Variants in RYR2 observed in about 807,000 individuals in gnomAD.
RYR2 encodes the protein ryanodine receptor 2, also known as cardiac muscle ryanodine receptor-calcium release channel.
RYR2 carries 227 observed loss-of-function variants against 601.1 expected under a neutral mutation model. That is an observed-to-expected ratio of 0.38 (90% CI 0.34 to 0.42). The LOEUF (loss-of-function observed/expected upper bound fraction) is 0.42. Among genes scored for constraint, RYR2 ranks in the 10% least tolerant of loss-of-function variants. The probability of loss-of-function intolerance (pLI) is 1.00; values close to 1 mark genes in which losing one functional copy is unlikely to be tolerated. For missense variants in RYR2, 4,646 were observed against 6,156.5 expected (o/e 0.75, Z 8.21); for synonymous variants, 2,223 against 2,175.1 (o/e 1.02, Z -0.61).
At chr1:237,776,073 G>A (rs539944315) in intron 87 of RYR2, among the ~76,000 whole-genome samples, 2 of 152,246 alleles carry the variant, frequency 1.3e-5, no homozygotes, top group East Asian at 3.9e-4. Context: ...ACTATCACGG[G>A]AAGAAAATTA....
At chr1:237,136,466 G>A (rs973768847) in intron 1 of RYR2, among the ~76,000 whole-genome samples, 3 of 152,106 alleles carry the variant, frequency 2.0e-5, no homozygotes, top group Admixed American at 6.5e-5. Flanking sequence ...TTTTCCCACC[G>A]ACTGGGGTGT....
chr1:237,263,677 A>G (rs1045933355), intron 1 of RYR2, among the ~76,000 whole-genome samples: 1 of 152,196 alleles, frequency 6.6e-6, no homozygotes, highest in African/African-American at 2.4e-5. Context: ...TGTAATGGAA[A>G]GGCAGAAGCC....
At chr1:237,584,778 G>A (rs991146264) in intron 29 of RYR2, among the ~76,000 whole-genome samples, 4 of 148,944 alleles carry the variant, frequency 2.7e-5, no homozygotes, top group Admixed American at 6.8e-5. Flanking sequence ...CTCCCATCTC[G>A]GCTTCCCAAG....
chr1:237,350,602 A>AAAAAT (rs1558665984), intron 3 of RYR2, among the ~76,000 whole-genome samples: 6 of 37,006 alleles, frequency 1.6e-4, no homozygotes, highest in Non-Finnish European at 3.0e-4. Flanking sequence ...AAAAAAAAAA[A>AAAAAT]ATATATATAT....
intron 1 of RYR2, among the ~76,000 whole-genome samples, chr1:237,116,218 C>T (rs12094575): frequency 7.9e-4 from 121 of 152,274 alleles, no homozygotes; most frequent in African/African-American, 2.8e-3. Flanking sequence ...CCAGGCTGAA[C>T]GACTTGCCCA....
intron 74 of RYR2, among the ~76,000 whole-genome samples, chr1:237,723,627 C>T (rs758660988): frequency 1.3e-5 from 2 of 151,988 alleles, no homozygotes; most frequent in African/African-American, 4.8e-5. Flanking sequence ...CTCATAAAAA[C>T]ATGTTTGAGA....
chr1:237,201,480 C>G (rs1354416560), intron 1 of RYR2, among the ~76,000 whole-genome samples: 1 of 152,084 alleles, frequency 6.6e-6, no homozygotes, highest in African/African-American at 2.4e-5. Context: ...TCTGGCCATT[C>G]CAGGGAAATT....
intron 16 of RYR2, among the ~76,000 whole-genome samples, chr1:237,464,790 G>A (rs1255766822): frequency 6.6e-6 from 1 of 152,086 alleles, no homozygotes; most frequent in African/African-American, 2.4e-5. Context: ...TCTACATTGT[G>A]GGCCTCTATC....
intron 12 of RYR2, among the ~76,000 whole-genome samples, chr1:237,424,881 G>C (rs1049561997): frequency 6.6e-6 from 1 of 152,056 alleles, no homozygotes; most frequent in Non-Finnish European, 1.5e-5. Context: ...TGTCACTGGA[G>C]GCCACTGACC....
chr1:237,061,263 TC>T (rs1558163741), intron 1 of RYR2, among the ~76,000 whole-genome samples: 4 of 128,764 alleles, frequency 3.1e-5, no homozygotes, highest in African/African-American at 1.2e-4. Context: ...CATCTATCTA[TC>T]TATCCATCTA....
At position 237,441,377 on chromosome 1, in the gene RYR2, A is replaced by G. The variant is rs2150146771; in HGVS notation, c.1064A>G (p.Lys355Arg). 6.2e-7 allele frequency: 1 copy of G among 1,613,872 alleles called. No homozygotes were observed. The highest frequency in any genetic ancestry group is 2.2e-5 in the East Asian group (1 of 44,856). The change falls in exon 13 of 105, where the codon AAA (lysine) becomes AGA (arginine). Residue 355 changes from lysine (K) to arginine (R), a missense_variant. By Grantham distance (26) the Lys-to-Arg change is conservative. Around this residue, in one of 17 missense-constraint regions of RYR2, gnomAD observed 1,807 missense variants for 2,088.1 expected, o/e 0.87. Transcript: ENST00000366574. ...EVDGMGTSEIKYGDSVCYIQH... is the reference protein window; with the variant it reads ...EVDGMGTSEIRYGDSVCYIQH... ...GATGGCATGGGAACATCTGAAATAA[A>G]ATACGGTGACTCAGTATGCTATATA... is the stretch of plus-strand genomic sequence containing the variant.
rs200367219 is a variant in RYR2 at position 237,798,730 on chromosome 1, AAT to A, written c.14090+563_14090+564del. On this transcript the variant is annotated intron_variant, in intron 97 of 104. Coordinates refer to ENST00000366574, the MANE Select transcript of RYR2 (RefSeq NM_001035.3). ...TCTTTATATACTGCTTTCATGGAAT[AAT>A]ATGTTTCTAAACCAGTTGAGTTGAA... Among the ~76,000 whole-genome samples the A allele has an allele frequency of 4.4e-3, 672 of 152,046 alleles. 4 individuals are homozygous for A. Among genetic ancestry groups the A allele is most frequent in the African/African-American group, 0.015 (640 of 41,476 alleles).
intron 1 of RYR2, among the ~76,000 whole-genome samples, chr1:237,114,020 A>G (rs1418681429): frequency 6.6e-6 from 1 of 152,210 alleles, no homozygotes; most frequent in African/African-American, 2.4e-5. Flanking sequence ...CCACTAGTAC[A>G]TGGTCACCTG....
At chr1:237,188,853 C>T (rs1002189934) in intron 1 of RYR2, among the ~76,000 whole-genome samples, 1 of 152,158 alleles carries the variant, frequency 6.6e-6, no homozygotes, top group Non-Finnish European at 1.5e-5. Context: ...TAATATTTTA[C>T]AGCATTTTTA....
At chr1:237,112,591 T>A (rs200110676) in intron 1 of RYR2, among the ~76,000 whole-genome samples, 4,092 of 102,810 alleles carry the variant, frequency 0.04, 104 homozygotes, top group Non-Finnish European at 0.064. Flanking sequence ...AAAAAAAAAA[T>A]TAGCTAATGG....
At chr1:237,345,882 C>T (rs143875960) in intron 3 of RYR2, among the ~76,000 whole-genome samples, 47 of 152,108 alleles carry the variant, frequency 3.1e-4, no homozygotes, top group African/African-American at 1.1e-3. Context: ...TATTTATCTC[C>T]CAAATGAAAT....
At chr1:237,827,852 G>A (rs1663312308) in intron 101 of RYR2, among the ~76,000 whole-genome samples, 1 of 147,258 alleles carries the variant, frequency 6.8e-6, no homozygotes, top group Non-Finnish European at 1.5e-5. Flanking sequence ...CAGGAGAATG[G>A]CATGAACCCG....
chr1:237,728,399 G>T (rs1181632011), intron 76 of RYR2, among the ~76,000 whole-genome samples: 1 of 152,034 alleles, frequency 6.6e-6, no homozygotes, highest in East Asian at 1.9e-4. Flanking sequence ...TCTAGAACCA[G>T]AAATACCATT....
chr1:237,402,514 A>T, intron 10 of RYR2, among the ~76,000 whole-genome samples: 1 of 152,186 alleles, frequency 6.6e-6, no homozygotes, highest in Non-Finnish European at 1.5e-5. Flanking sequence ...AAAACTAAAA[A>T]ATAAATAACT....
Sources: gnomAD v4.1 joint callset for allele counts (sites outside exome capture counted in the v4.1 genomes callset) on GRCh38, gnomAD v4.1.1 for gene constraint, gnomAD v4.1.1 regional missense constraint, MANE v1.5 for transcripts, NCBI Gene and HGNC (gene_info 2026-07-23, HGNC 2026-07-21) for gene names.